The following CCBE1 variants were observed in gnomAD, a reference collection of about 807,000 sequenced individuals.
CCBE1 encodes the protein collagen and calcium-binding EGF domain-containing protein 1.
In CCBE1, 37 loss-of-function variants were observed where a neutral mutation model predicts 50.0. That is an observed-to-expected ratio of 0.74 (90% confidence interval 0.57 to 0.97). The LOEUF (loss-of-function observed/expected upper bound fraction) is 0.97, where lower values mean the gene tolerates loss of function less well. CCBE1 is among the 50% of genes least tolerant of loss of function. The pLI is 0.00. For missense variants in CCBE1, 538 were observed against 523.8 expected, an observed-to-expected ratio of 1.03 and a Z score of -0.26; for synonymous variants, 234 against 203.7, an observed-to-expected ratio of 1.15 and a Z score of -1.27.
chr18:59,605,407 G>A (rs2053484640), intron 2 of CCBE1, among the ~76,000 whole-genome samples: 1 of 152,206 alleles, frequency 6.6e-6, no homozygotes, highest in African/African-American at 2.4e-5. Flanking sequence ...ACTAGCTGGG[G>A]TGTAGCACAG....
chr18:59,511,117 C>T (rs904703785), intron 2 of CCBE1, among the ~76,000 whole-genome samples: 3 of 152,204 alleles, frequency 2.0e-5, no homozygotes, highest in Non-Finnish European at 2.9e-5. Flanking sequence ...TTTCCAGCAG[C>T]TGAAACCCTG....
chr18:59,477,047 G>A (rs1300190530), intron 3 of CCBE1, among the ~76,000 whole-genome samples: 1 of 152,236 alleles, frequency 6.6e-6, no homozygotes, highest in Admixed American at 6.5e-5. Context: ...AGCAACAGAA[G>A]CAAAAATGAT....
intron 2 of CCBE1, among the ~76,000 whole-genome samples, chr18:59,551,811 T>C (rs1012906787): frequency 2.6e-5 from 4 of 152,228 alleles, no homozygotes; most frequent in African/African-American, 7.2e-5. Flanking sequence ...CTGTCATCTA[T>C]GGCCTCTAGA....
intron 2 of CCBE1, among the ~76,000 whole-genome samples, chr18:59,618,802 G>C (rs2053672463): frequency 6.6e-6 from 1 of 151,992 alleles, no homozygotes; most frequent in African/African-American, 2.4e-5. Flanking sequence ...ATAAGAGGAA[G>C]TGCTCAGAAT....
intron 3 of CCBE1, 99 bp from the exon 4 acceptor site, chr18:59,469,706 G>C: frequency 6.6e-7 from 1 of 1,515,690 alleles, no homozygotes; most frequent in Non-Finnish European, 9.1e-7. Flanking sequence ...TCTGCTCAAG[G>C]GCACGTGTGA....
chr18:59,541,268 G>A, intron 2 of CCBE1, among the ~76,000 whole-genome samples: 1 of 152,186 alleles, frequency 6.6e-6, no homozygotes, highest in East Asian at 1.9e-4. Flanking sequence ...CTAAGTCAGA[G>A]AAGAAGGGAA....
At chr18:59,570,874 G>A (rs189274484) in intron 2 of CCBE1, among the ~76,000 whole-genome samples, 48 of 152,288 alleles carry the variant, frequency 3.2e-4, no homozygotes, top group African/African-American at 1.0e-3. Context: ...GATGAAAATC[G>A]AGACATCAGA....
chr18:59,452,517 T>C (rs1910987713), intron 6 of CCBE1, among the ~76,000 whole-genome samples: 1 of 152,112 alleles, frequency 6.6e-6, no homozygotes, highest in Admixed American at 6.5e-5. Flanking sequence ...TGCTTGAACC[T>C]GGGAGGCAGA....
intron 5 of CCBE1, among the ~76,000 whole-genome samples, chr18:59,461,660 G>A (rs1911482183): frequency 6.6e-6 from 1 of 150,924 alleles, no homozygotes; most frequent in African/African-American, 2.4e-5. Context: ...AAGACTATTT[G>A]CAATTGCTAT....
chr18:59,603,593 A>T (rs1344500948), intron 2 of CCBE1, among the ~76,000 whole-genome samples: 1 of 152,238 alleles, frequency 6.6e-6, no homozygotes, highest in Non-Finnish European at 1.5e-5. Flanking sequence ...TCTACTAATT[A>T]TATGTTCCTG....
intron 2 of CCBE1, among the ~76,000 whole-genome samples, chr18:59,587,455 T>C (rs2053194239): frequency 6.6e-6 from 1 of 151,988 alleles, no homozygotes; most frequent in African/African-American, 2.4e-5. Context: ...AAAAACGTTT[T>C]ACCAAACCAG....
At chr18:59,530,397 G>A (rs576136322) in intron 2 of CCBE1, among the ~76,000 whole-genome samples, 5 of 152,194 alleles carry the variant, frequency 3.3e-5, no homozygotes, top group African/African-American at 7.2e-5. Context: ...TATTTAGATC[G>A]CCTCAATACC....
intron 2 of CCBE1, among the ~76,000 whole-genome samples, chr18:59,534,089 G>T (rs983391187): frequency 2.1e-5 from 3 of 145,348 alleles, no homozygotes; most frequent in Non-Finnish European, 1.5e-5. Context: ...TTCCGCCTTA[G>T]TGATCTATAC....
At chr18:59,575,666 A>G (rs1177655987) in intron 2 of CCBE1, among the ~76,000 whole-genome samples, 1 of 152,196 alleles carries the variant, frequency 6.6e-6, no homozygotes, top group Non-Finnish European at 1.5e-5. Flanking sequence ...CAAAGTTCTC[A>G]TTTCATGCAG....
chr18:59,566,056 T>C (rs1233763829), intron 2 of CCBE1, among the ~76,000 whole-genome samples: 1 of 152,060 alleles, frequency 6.6e-6, no homozygotes, highest in Non-Finnish European at 1.5e-5. Context: ...GAACAGTGAA[T>C]AAGAAAAAGC....
At position 59,435,678 on chromosome 18, in the gene CCBE1, C is replaced by T; in HGVS notation, c.*230G>A. 1 of 594,814 alleles carries T rather than the reference C, an allele frequency of 1.7e-6. No individual in the cohort carries two copies. The highest frequency in any genetic ancestry group is 3.0e-6 in the Non-Finnish European group (1 of 334,784). 36.8% of individuals were successfully genotyped at this position (594,814 alleles called of 1,614,324 possible). On this transcript the variant is annotated 3_prime_UTR_variant, in exon 11 of 11. Coordinates refer to ENST00000439986, the MANE Select transcript of CCBE1 (RefSeq NM_133459.4). ...ACAATGCAAACCACCCCAATGGACT[C>T]TTAGTGAGAAGCAGGTAAATCAATC...
chr18:59,641,278 T>TA (rs1355112270), intron 2 of CCBE1, among the ~76,000 whole-genome samples: 2 of 151,840 alleles, frequency 1.3e-5, no homozygotes, highest in Non-Finnish European at 2.9e-5. Context: ...TACATAGCTA[T>TA]AAAAAAGAAG....
At chr18:59,458,271 G>A (rs945789625) in intron 5 of CCBE1, among the ~76,000 whole-genome samples, 1 of 152,056 alleles carries the variant, frequency 6.6e-6, no homozygotes, top group African/African-American at 2.4e-5. Flanking sequence ...TCCATCTATG[G>A]AGCATCTGCT....
chr18:59,582,002 A>C (rs1212659686), intron 2 of CCBE1, among the ~76,000 whole-genome samples: 1 of 152,064 alleles, frequency 6.6e-6, no homozygotes, highest in Non-Finnish European at 1.5e-5. Flanking sequence ...ATTAAAGGGG[A>C]GAACTGGAGG....
Sources: allele counts gnomAD v4.1 joint callset (sites outside exome capture counted in the v4.1 genomes callset), GRCh38; gene constraint gnomAD v4.1.1; transcripts MANE v1.5; gene names NCBI Gene and HGNC (gene_info 2026-07-23, HGNC 2026-07-21).